The following SORCS3 variants were observed in gnomAD, a reference collection of about 807,000 sequenced individuals.
SORCS3 encodes VPS10 domain-containing receptor SorCS3.
SORCS3 carries 57 observed loss-of-function variants against 146.3 expected under a neutral mutation model. The ratio of observed to expected loss-of-function variants is 0.39; its 90% confidence interval spans 0.31 to 0.49. The LOEUF is 0.49. Among genes scored for constraint, SORCS3 ranks in the 20% least tolerant of loss-of-function variants. SORCS3 has a pLI of 0.92. For missense variants in SORCS3, 1,341 were observed against 1,575.5 expected, an observed-to-expected ratio of 0.85 and a Z score of 2.52; for synonymous variants, 653 against 618.5, an observed-to-expected ratio of 1.06 and a Z score of -0.83.
At chr10:104,970,061 CA>C (rs1239959378) in intron 3 of SORCS3, among the ~76,000 whole-genome samples, 1 of 151,998 alleles carries the variant, frequency 6.6e-6, no homozygotes, top group African/African-American at 2.4e-5. Flanking sequence ...TTTTCTGCAC[CA>C]GGGGAAAAAT....
intron 1 of SORCS3, among the ~76,000 whole-genome samples, chr10:104,833,183 C>T (rs1308689639): frequency 1.3e-5 from 2 of 152,292 alleles, no homozygotes; most frequent in East Asian, 3.9e-4. Context: ...ATGACGGTGA[C>T]TAGCGCAATC....
chr10:105,024,611 G>A (rs2055215717), intron 4 of SORCS3, among the ~76,000 whole-genome samples: 1 of 152,132 alleles, frequency 6.6e-6, no homozygotes, highest in Non-Finnish European at 1.5e-5. Flanking sequence ...TATGAGTTTT[G>A]CATTTTTGTT....
chr10:105,196,513 G>T (rs550446423), intron 14 of SORCS3, among the ~76,000 whole-genome samples: 1 of 152,214 alleles, frequency 6.6e-6, no homozygotes, highest in Non-Finnish European at 1.5e-5. Context: ...GCTGAGGCAG[G>T]AGAATTGCTC....
chr10:104,713,553 C>T (rs981747293), intron 1 of SORCS3, among the ~76,000 whole-genome samples: 9 of 152,098 alleles, frequency 5.9e-5, no homozygotes, highest in Non-Finnish European at 1.2e-4. Flanking sequence ...TTGATGTGAT[C>T]GCAGGGTTTT....
intron 1 of SORCS3, among the ~76,000 whole-genome samples, chr10:104,657,328 G>A (rs2015643659): frequency 6.6e-6 from 1 of 152,212 alleles, no homozygotes; most frequent in African/African-American, 2.4e-5. Context: ...ATTGTTGTGA[G>A]AATAAGTGAT....
intron 20 of SORCS3, among the ~76,000 whole-genome samples, chr10:105,227,452 T>G (rs2119681074): frequency 6.6e-6 from 1 of 152,280 alleles, no homozygotes; most frequent in East Asian, 1.9e-4. Flanking sequence ...TTAGACTTGT[T>G]TTGTGTCCTA....
At chr10:104,864,879 C>A (rs188671435) in intron 2 of SORCS3, among the ~76,000 whole-genome samples, 4 of 152,240 alleles carry the variant, frequency 2.6e-5, no homozygotes, top group Admixed American at 2.6e-4. Context: ...ATTCTTCTCC[C>A]TACCTTCCCC....
intron 13 of SORCS3, among the ~76,000 whole-genome samples, chr10:105,175,174 A>G (rs964436523): frequency 3.3e-5 from 5 of 151,524 alleles, no homozygotes; most frequent in Non-Finnish European, 5.9e-5. Flanking sequence ...CAGCCTCCCA[A>G]GTAGCTGGGA....
At chr10:104,859,039 C>A (rs577993640) in intron 2 of SORCS3, among the ~76,000 whole-genome samples, 2 of 151,618 alleles carry the variant, frequency 1.3e-5, no homozygotes, top group South Asian at 4.2e-4. Flanking sequence ...CACTTAGTTG[C>A]AGCTTGTATG....
At chr10:105,164,206 T>C in intron 11 of SORCS3, 97 bp from the exon 12 acceptor site, 1 of 878,148 alleles carries the variant, frequency 1.1e-6, no homozygotes, top group Non-Finnish European at 1.9e-6. Flanking sequence ...TAAATATCAC[T>C]TAGAAAACCT....
chr10:104,965,154 A>T (rs2054819253), intron 3 of SORCS3, among the ~76,000 whole-genome samples: 2 of 152,206 alleles, frequency 1.3e-5, no homozygotes, highest in African/African-American at 4.8e-5. Flanking sequence ...GGCTATTGTA[A>T]ATAATGCTGC....
intron 14 of SORCS3, among the ~76,000 whole-genome samples, chr10:105,188,235 T>C (rs2119586432): frequency 6.6e-6 from 1 of 152,312 alleles, no homozygotes; most frequent in Non-Finnish European, 1.5e-5. Flanking sequence ...TATTTTCTTA[T>C]CTACAGATTT....
chr10:104,929,055 A>G (rs1191633387), intron 3 of SORCS3, among the ~76,000 whole-genome samples: 2 of 152,154 alleles, frequency 1.3e-5, no homozygotes, highest in African/African-American at 4.8e-5. Context: ...CTCCTTAATT[A>G]TTCCTGGTTT....
chr10:104,786,530 A>G (rs1274843407), intron 1 of SORCS3, among the ~76,000 whole-genome samples: 1 of 148,354 alleles, frequency 6.7e-6, no homozygotes, highest in African/African-American at 2.5e-5. Context: ...CTTGGGCTAC[A>G]AGTATGAAAC....
At chr10:104,813,323 T>C (rs1043081788) in intron 1 of SORCS3, among the ~76,000 whole-genome samples, 1 of 152,240 alleles carries the variant, frequency 6.6e-6, no homozygotes, top group African/African-American at 2.4e-5. Flanking sequence ...TATTCTCTAA[T>C]TCAGGAAACT....
At chr10:104,840,624 A>G (rs1589519699) in intron 1 of SORCS3, among the ~76,000 whole-genome samples, 1 of 152,334 alleles carries the variant, frequency 6.6e-6, no homozygotes, top group Non-Finnish European at 1.5e-5. Flanking sequence ...GAAATGATGG[A>G]AGGAGGGAGG....
chr10:104,841,165 C>G (rs1410868749), intron 1 of SORCS3, among the ~76,000 whole-genome samples: 1 of 152,150 alleles, frequency 6.6e-6, no homozygotes, highest in Non-Finnish European at 1.5e-5. Flanking sequence ...CTCTGTTAGT[C>G]TCTGGCTTTA....
At chr10:105,136,838 G>A (rs1026519830) in intron 7 of SORCS3, among the ~76,000 whole-genome samples, 3 of 152,084 alleles carry the variant, frequency 2.0e-5, no homozygotes, top group African/African-American at 7.2e-5. Flanking sequence ...CCTTCATATA[G>A]CCCCTTTATG....
At chr10:105,064,614 A>G (rs2133721047) in intron 5 of SORCS3, among the ~76,000 whole-genome samples, 1 of 151,604 alleles carries the variant, frequency 6.6e-6, no homozygotes, top group Non-Finnish European at 1.5e-5. Context: ...TGCTGGTTGA[A>G]GTCCAGGAGT....
Sources: allele counts gnomAD v4.1 joint callset (sites outside exome capture counted in the v4.1 genomes callset), GRCh38; gene constraint gnomAD v4.1.1; transcripts MANE v1.5; gene names NCBI Gene and HGNC (gene_info 2026-07-23, HGNC 2026-07-21).